SPON1: variants seen among roughly 807,000 people sequenced by gnomAD.
The protein encoded by SPON1 is spondin-1.
SPON1 carries 52 observed loss-of-function variants against 111.7 expected under a neutral mutation model. The observed-to-expected ratio is 0.47, with a 90% CI of 0.37 to 0.59. The LOEUF (loss-of-function observed/expected upper bound fraction) is 0.59. Ranked by LOEUF, SPON1 falls within the 20% of genes least tolerant of loss-of-function variation. The pLI, the probability that SPON1 is intolerant of heterozygous loss-of-function variation, is 0.00. For missense variants in SPON1, 957 were observed against 1,068.5 expected, an observed-to-expected ratio of 0.90 and a Z score of 1.46; for synonymous variants, 410 against 395.8, an observed-to-expected ratio of 1.04 and a Z score of -0.43.
At chr11:14,115,296 T>G (rs1371140126) in intron 5 of SPON1, among the ~76,000 whole-genome samples, 1 of 152,176 alleles carries the variant, frequency 6.6e-6, no homozygotes, top group Non-Finnish European at 1.5e-5. Context: ...AAGCATAACA[T>G]ATACACAGAA....
At chr11:14,126,017 T>C (rs1388712877) in intron 5 of SPON1, among the ~76,000 whole-genome samples, 1 of 152,174 alleles carries the variant, frequency 6.6e-6, no homozygotes, top group Non-Finnish European at 1.5e-5. Flanking sequence ...AAAAGCAAGG[T>C]TCCAGCTTAA....
rs782330753 is a variant in SPON1, at chr11:13,963,159, C to T, written c.238+17C>T. The T allele has an allele frequency of 1.2e-5, 18 of 1,482,326 alleles. No individual in the cohort carries two copies. Among genetic ancestry groups the T allele is most frequent in the East Asian group, 8.2e-5 (3 of 36,526 alleles). The allele number at this position is 1,482,326 out of a possible 1,614,324, so 91.8% of individuals were successfully genotyped here. ...GCTACCGCGGTAAGTGGCCGCCCGG[C>T]GTGGCATTAGGAGAGCGGGACCCGG... On this transcript the variant is annotated intron_variant, in intron 1 of 15. Coordinates refer to ENST00000576479, the MANE Select transcript of SPON1 (RefSeq NM_006108.4).
chr11:14,218,411 A>G (rs1848647335), intron 6 of SPON1, among the ~76,000 whole-genome samples: 2 of 152,134 alleles, frequency 1.3e-5, no homozygotes, highest in African/African-American at 4.8e-5. Flanking sequence ...TATCTCCCTG[A>G]CTTGCCATTA....
chr11:14,243,919 C>T (rs184627463), intron 7 of SPON1, among the ~76,000 whole-genome samples: 2 of 152,274 alleles, frequency 1.3e-5, no homozygotes, highest in East Asian at 3.9e-4. Flanking sequence ...GTGGTATATC[C>T]GTCAGGTTTT....
chr11:13,963,173 A>G, intron 1 of SPON1, 31 bp downstream of exon 1: 1 of 1,427,524 alleles, frequency 7.0e-7, no homozygotes. Context: ...GCATTAGGAG[A>G]GCGGGACCCG....
At chr11:14,220,821 C>T (rs1285997910) in intron 6 of SPON1, among the ~76,000 whole-genome samples, 1 of 152,124 alleles carries the variant, frequency 6.6e-6, no homozygotes, top group Non-Finnish European at 1.5e-5. Context: ...TGTTATTACC[C>T]ATTATCTTGG....
intron 6 of SPON1, among the ~76,000 whole-genome samples, chr11:14,182,014 G>A (rs1413820593): frequency 1.3e-5 from 2 of 152,200 alleles, no homozygotes; most frequent in Non-Finnish European, 2.9e-5. Flanking sequence ...AAATGTGACA[G>A]CTCTATCCAT....
At chr11:14,229,596 T>A (rs1848773831) in intron 6 of SPON1, among the ~76,000 whole-genome samples, 1 of 152,178 alleles carries the variant, frequency 6.6e-6, no homozygotes, top group Non-Finnish European at 1.5e-5. Context: ...GCACTGTGAT[T>A]AACCCAGTAG....
chr11:14,098,376 A>G (rs1849118273), intron 5 of SPON1, among the ~76,000 whole-genome samples: 1 of 152,238 alleles, frequency 6.6e-6, no homozygotes, highest in Admixed American at 6.5e-5. Flanking sequence ...TATAATTACT[A>G]GTTTTCAATT....
chr11:14,029,941 C>A (rs1221223327), intron 2 of SPON1, among the ~76,000 whole-genome samples: 1 of 152,230 alleles, frequency 6.6e-6, no homozygotes, highest in Admixed American at 6.5e-5. Context: ...AGTTAAGGAA[C>A]TTGCCAGAGT....
chr11:13,971,826 G>A (rs898147471), intron 1 of SPON1, among the ~76,000 whole-genome samples: 2 of 152,094 alleles, frequency 1.3e-5, no homozygotes, highest in Non-Finnish European at 2.9e-5. Context: ...AACATTTCCC[G>A]CTTGGCAGTA....
chr11:14,083,843 A>G (rs1254757077), intron 5 of SPON1, among the ~76,000 whole-genome samples: 1 of 152,174 alleles, frequency 6.6e-6, no homozygotes, highest in Non-Finnish European at 1.5e-5. Context: ...GGATCACTTT[A>G]TTTTTTAGAA....
At chr11:14,120,906 G>A (rs1309229966) in intron 5 of SPON1, among the ~76,000 whole-genome samples, 1 of 152,120 alleles carries the variant, frequency 6.6e-6, no homozygotes, top group African/African-American at 2.4e-5. Context: ...TACATAGTTT[G>A]TTCAAGATTG....
intron 14 of SPON1, among the ~76,000 whole-genome samples, chr11:14,261,539 G>A (rs773540668): frequency 6.6e-6 from 1 of 152,192 alleles, no homozygotes; most frequent in African/African-American, 2.4e-5. Context: ...CCAAGTAATT[G>A]GTCCAAAGTA....
At chr11:14,192,246 G>GATATAT (rs35202633) in intron 6 of SPON1, among the ~76,000 whole-genome samples, 15 of 144,228 alleles carry the variant, frequency 1.0e-4, no homozygotes, top group African/African-American at 3.3e-4. Context: ...TATCATTAGG[G>GATATAT]ATATATATAT....
At chr11:14,243,553 C>T (rs1425752314) in intron 7 of SPON1, among the ~76,000 whole-genome samples, 157 bp downstream of exon 7, 2 of 152,212 alleles carry the variant, frequency 1.3e-5, no homozygotes, top group East Asian at 1.9e-4. Flanking sequence ...GAGCATCACA[C>T]CTGCCCCATC....
chr11:13,997,489 G>T (rs1848282649), intron 2 of SPON1, among the ~76,000 whole-genome samples: 1 of 152,148 alleles, frequency 6.6e-6, no homozygotes, highest in African/African-American at 2.4e-5. Context: ...ACAGTGCCTG[G>T]ACATAAGGGA....
At chr11:14,096,560 C>G (rs1016580232) in intron 5 of SPON1, among the ~76,000 whole-genome samples, 1 of 152,164 alleles carries the variant, frequency 6.6e-6, no homozygotes, top group East Asian at 1.9e-4. Flanking sequence ...ACCTACCCAC[C>G]CACTGCTCCC....
chr11:13,969,459 C>T (rs1280669124), intron 1 of SPON1, among the ~76,000 whole-genome samples: 1 of 151,964 alleles, frequency 6.6e-6, no homozygotes, highest in Non-Finnish European at 1.5e-5. Flanking sequence ...CTTGTTTTGT[C>T]TCATTCTCCT....
Sources: gnomAD v4.1 joint callset for allele counts (sites outside exome capture counted in the v4.1 genomes callset) on GRCh38, gnomAD v4.1.1 for gene constraint, MANE v1.5 for transcripts, NCBI Gene and HGNC (gene_info 2026-07-23, HGNC 2026-07-21) for gene names.